The following SAMD12 variants were observed in gnomAD, a reference collection of about 807,000 sequenced individuals.
SAMD12 encodes the protein sterile alpha motif domain containing 12.
A neutral mutation model predicts 15.0 loss-of-function variants in SAMD12; 9 were observed. The ratio of observed to expected loss-of-function variants is 0.60; its 90% confidence interval spans 0.36 to 1.05. The LOEUF (loss-of-function observed/expected upper bound fraction) is 1.05. Among genes scored for constraint, SAMD12 ranks in the 50% least tolerant of loss-of-function variants. The pLI, the probability that SAMD12 is intolerant of heterozygous loss-of-function variation, is 0.01. For synonymous variants in SAMD12, 86 were observed against 90.1 expected, an observed-to-expected ratio of 0.96 and a Z score of 0.25; for missense variants, 230 against 234.2, an observed-to-expected ratio of 0.98 and a Z score of 0.12.
intron 2 of SAMD12, among the ~76,000 whole-genome samples, chr8:118,539,850 T>C (rs374332535): frequency 5.3e-5 from 8 of 152,274 alleles, no homozygotes; most frequent in African/African-American, 9.6e-5. Flanking sequence ...AAAAAAGATA[T>C]ATGCACATAG....
chr8:118,424,939 ATTTT>A (rs10570610), intron 3 of SAMD12, among the ~76,000 whole-genome samples: 3 of 138,620 alleles, frequency 2.2e-5, no homozygotes, highest in Non-Finnish European at 3.2e-5. Context: ...TGGTATATTA[ATTTT>A]TTTTTTTTTT....
At chr8:118,309,044 T>A (rs1203489098) in intron 4 of SAMD12, among the ~76,000 whole-genome samples, 4 of 152,216 alleles carry the variant, frequency 2.6e-5, no homozygotes, top group African/African-American at 9.6e-5. Context: ...TTTGTTTACA[T>A]GAATAAGTTC....
chr8:118,253,151 TCA>T (rs2130023874), intron 4 of SAMD12, among the ~76,000 whole-genome samples: 1 of 152,306 alleles, frequency 6.6e-6, no homozygotes, highest in Admixed American at 6.5e-5. Flanking sequence ...CAGCTAAAGA[TCA>T]CACACATTCA....
intron 2 of SAMD12, among the ~76,000 whole-genome samples, chr8:118,473,645 A>G (rs1347826815): frequency 1.3e-5 from 2 of 151,816 alleles, no homozygotes; most frequent in African/African-American, 4.8e-5. Flanking sequence ...CACCCTCCTC[A>G]CTTGCACTCC....
chr8:118,259,501 T>C (rs1399661026), intron 4 of SAMD12, among the ~76,000 whole-genome samples: 1 of 152,012 alleles, frequency 6.6e-6, no homozygotes, highest in African/African-American at 2.4e-5. Flanking sequence ...TGACCCTAAG[T>C]GCGCACAGTG....
chr8:118,550,072 A>G (rs561458714), intron 2 of SAMD12, among the ~76,000 whole-genome samples: 58 of 152,342 alleles, frequency 3.8e-4, no homozygotes, highest in East Asian at 1.3e-3. Flanking sequence ...TGAAAGTGAC[A>G]GGGAGAATGG....
At chr8:118,212,667 T>C (rs943482249) in intron 4 of SAMD12, among the ~76,000 whole-genome samples, 1 of 152,226 alleles carries the variant, frequency 6.6e-6, no homozygotes, top group Admixed American at 6.5e-5. Flanking sequence ...TCTTTGACTT[T>C]TGGCATACAA....
intron 2 of SAMD12, among the ~76,000 whole-genome samples, chr8:118,456,771 T>C (rs1194288263): frequency 6.6e-6 from 1 of 152,248 alleles, no homozygotes; most frequent in Admixed American, 6.5e-5. Flanking sequence ...TTGTATTAGA[T>C]ATGGAGTTTA....
At chr8:118,418,853 A>C (rs1821854347) in intron 3 of SAMD12, among the ~76,000 whole-genome samples, 1 of 152,174 alleles carries the variant, frequency 6.6e-6, no homozygotes, top group Non-Finnish European at 1.5e-5. Context: ...TCAGTAAAAC[A>C]TATGTTTTTC....
chr8:118,373,120 G>A (rs899426500), downstream of SAMD12, among the ~76,000 whole-genome samples: 6 of 152,110 alleles, frequency 3.9e-5, no homozygotes, highest in African/African-American at 1.4e-4. Flanking sequence ...TTGCATAACT[G>A]TGCACTAAAA....
At chr8:118,509,204 C>T (rs1825005753) in intron 2 of SAMD12, among the ~76,000 whole-genome samples, 1 of 151,968 alleles carries the variant, frequency 6.6e-6, no homozygotes, top group African/African-American at 2.4e-5. Context: ...TGTTTATATC[C>T]CATAAGTGCC....
intron 4 of SAMD12, among the ~76,000 whole-genome samples, chr8:118,340,938 G>C (rs1817334374): frequency 6.6e-6 from 1 of 152,178 alleles, no homozygotes. Flanking sequence ...GCATTCTCTT[G>C]TTTCAGTTGT....
chr8:118,324,031 C>T (rs1586527905), intron 4 of SAMD12, among the ~76,000 whole-genome samples: 3 of 141,716 alleles, frequency 2.1e-5, no homozygotes, highest in African/African-American at 8.1e-5. Context: ...GAAAATGTAC[C>T]CTTAATCCCA....
chr8:118,511,767 A>G (rs1050105061), intron 2 of SAMD12, among the ~76,000 whole-genome samples: 5 of 152,222 alleles, frequency 3.3e-5, no homozygotes, highest in African/African-American at 1.2e-4. Flanking sequence ...AATTCAACAG[A>G]CACAATGTGA....
intron 3 of SAMD12, among the ~76,000 whole-genome samples, chr8:118,415,783 A>C (rs1481420236): frequency 6.6e-6 from 1 of 152,104 alleles, no homozygotes; most frequent in Non-Finnish European, 1.5e-5. Context: ...CTGCCCACAT[A>C]AGTCAAATAA....
intron 3 of SAMD12, among the ~76,000 whole-genome samples, chr8:118,431,898 A>C (rs573216998): frequency 6.6e-6 from 1 of 152,250 alleles, no homozygotes; most frequent in East Asian, 1.9e-4. Context: ...ATCTTTTAAT[A>C]TAGTCCCACA....
At chr8:118,308,674 A>T (rs1302725585) in intron 4 of SAMD12, among the ~76,000 whole-genome samples, 1 of 151,844 alleles carries the variant, frequency 6.6e-6, no homozygotes, top group Non-Finnish European at 1.5e-5. Context: ...ATCAGAAAAA[A>T]ATGCCTTCCA....
At chr8:118,360,141 T>G (rs1157909622) in intron 4 of SAMD12, among the ~76,000 whole-genome samples, 1 of 152,166 alleles carries the variant, frequency 6.6e-6, no homozygotes, top group African/African-American at 2.4e-5. Context: ...GAGGGACTTC[T>G]TCAACTCTTT....
intron 2 of SAMD12, among the ~76,000 whole-genome samples, chr8:118,495,777 C>A (rs2515053): frequency 0.52 from 78,735 of 151,806 alleles, 21,488 homozygotes; most frequent in African/African-American, 0.69. Context: ...AAAGTGCCTG[C>A]CACATTTAGG....
Sources: allele counts gnomAD v4.1 joint callset (sites outside exome capture counted in the v4.1 genomes callset), GRCh38; gene constraint gnomAD v4.1.1; transcripts MANE v1.5; gene names NCBI Gene and HGNC (gene_info 2026-07-23, HGNC 2026-07-21).